Variants in SNX4 observed in about 807,000 individuals in gnomAD.
SNX4 encodes sorting nexin 4.
A neutral mutation model predicts 70.8 loss-of-function variants in SNX4; 49 were observed. The observed-to-expected ratio is 0.69, with a 90% CI of 0.55 to 0.88. The LOEUF is 0.88. Ranked by LOEUF, SNX4 falls within the 40% of genes least tolerant of loss-of-function variation. SNX4 has a pLI of 0.00. For missense variants in SNX4, 528 were observed against 544.8 expected, an observed-to-expected ratio of 0.97 and a Z score of 0.31; for synonymous variants, 206 against 183.8, an observed-to-expected ratio of 1.12 and a Z score of -0.98.
chr3:125,471,468 T>C (rs542675946), intron 8 of SNX4, among the ~76,000 whole-genome samples: 1 of 150,870 alleles, frequency 6.6e-6, no homozygotes, highest in East Asian at 2.0e-4. Flanking sequence ...CTGAGGTACA[T>C]AACAAGTTGG....
chr3:125,449,490 G>C (rs1933521585), intron 13 of SNX4, among the ~76,000 whole-genome samples: 1 of 151,678 alleles, frequency 6.6e-6, no homozygotes, highest in African/African-American at 2.4e-5. Flanking sequence ...TGAACTCCTG[G>C]GATCAAGTGA....
intron 7 of SNX4, among the ~76,000 whole-genome samples, chr3:125,477,936 A>G (rs1934321855): frequency 2.0e-5 from 3 of 152,140 alleles, no homozygotes; most frequent in Admixed American, 6.6e-5. Context: ...TGGCCCCTAC[A>G]TTAGAACCAG....
intron 1 of SNX4, among the ~76,000 whole-genome samples, chr3:125,510,355 C>T (rs527385082): frequency 2.0e-5 from 3 of 151,902 alleles, no homozygotes; most frequent in East Asian, 3.9e-4. Flanking sequence ...CTCAGCCTCC[C>T]GAGAAGCTGG....
chr3:125,453,670 A>G, intron 12 of SNX4, 140 bp downstream of exon 12: 1 of 742,566 alleles, frequency 1.3e-6, no homozygotes. Context: ...ATTTCTTAGG[A>G]ATGCATTTTA....
In SNX4 at chr3:125,455,723, A is replaced by G. The variant is rs546208901; in HGVS notation, c.1044+1543T>C. Reference sequence around the variant, plus strand: ...CTCTGTGAAAAGCACTTTTAAAACTATAGTGCTTGGCCAGGCGCGCTGGCT... The same window carrying G: ...CTCTGTGAAAAGCACTTTTAAAACTGTAGTGCTTGGCCAGGCGCGCTGGCT... On this transcript the variant is annotated intron_variant, in intron 11 of 13. Coordinates refer to ENST00000251775, the MANE Select transcript of SNX4 (RefSeq NM_003794.4). 2.6e-5 allele frequency among the ~76,000 whole-genome samples: 4 copies of G among 152,308 alleles called. No homozygotes were observed. In the South Asian group the frequency reaches 6.2e-4, roughly 24 times the overall value.
intron 1 of SNX4, among the ~76,000 whole-genome samples, chr3:125,509,428 T>G (rs1261305084): frequency 6.6e-6 from 1 of 151,260 alleles, no homozygotes; most frequent in Non-Finnish European, 1.5e-5. Context: ...CCAGACTATT[T>G]AGAGAACTCC....
intron 4 of SNX4, 21 bp downstream of exon 4, chr3:125,497,813 G>C: frequency 6.6e-7 from 1 of 1,522,366 alleles, no homozygotes; most frequent in Non-Finnish European, 8.9e-7. Flanking sequence ...ATTTTACTAA[G>C]ACTAAATAAA....
rs781760479 is a variant in SNX4, at chr3:125,520,132, G to T, written c.41C>A (p.Pro14Gln). 4 of 1,462,082 alleles carry T rather than the reference G, an allele frequency of 2.7e-6. No individual in the cohort carries two copies. In the Admixed American group the frequency reaches 1.2e-4, roughly 43 times the overall value. 90.6% of individuals were successfully genotyped at this position (1,462,082 alleles called of 1,614,324 possible). Residue 14 changes from proline to glutamine, a missense_variant, in exon 1 of 14, where the codon CCG (proline) becomes CAG (glutamine). Around this residue, in one of 3 missense-constraint regions of SNX4, gnomAD observed 341 missense variants for 312.2 expected, o/e 1.09. Coordinates refer to ENST00000251775, the MANE Select transcript of SNX4 (RefSeq NM_003794.4). ...APPDPERQLQ[P>Q]APLEPLGSPD... ...GGAGCCCAGCGGCTCCAAGGGCGCC[G>T]GCTGGAGCTGCCGCTCGGGGTCCGG... is the stretch of plus-strand genomic sequence containing the variant.
At chr3:125,475,990 C>G (rs1014185788) in intron 8 of SNX4, among the ~76,000 whole-genome samples, 1 of 150,942 alleles carries the variant, frequency 6.6e-6, no homozygotes, top group African/African-American at 2.4e-5. Context: ...AAAAAAAAAC[C>G]GGGTGCAGTG....
chr3:125,507,514 T>C (rs1026094515), intron 1 of SNX4, among the ~76,000 whole-genome samples: 31 of 152,236 alleles, frequency 2.0e-4, no homozygotes, highest in Admixed American at 1.5e-3. Context: ...TTCACAAATA[T>C]GATAGAAGAA....
rs1354125997 is a variant in SNX4 at position 125,451,634 on chromosome 3, C to CT, written c.1191-216dup. On this transcript the variant is annotated intron_variant, in intron 12 of 13. Transcript: ENST00000251775. ...TCTTGTACCTTTTAATCTACTTTTT[C>CT]TTTTTTTTTTGAGACAGAGTCTCAC... is the stretch of plus-strand genomic sequence containing the variant. Among the ~76,000 whole-genome samples the CT allele has an allele frequency of 5.2e-3, 777 of 148,610 alleles. 3 individuals are homozygous for CT. The highest frequency in any genetic ancestry group is 0.016 in the African/African-American group (655 of 40,620).
Position 125,494,553 on chromosome 3 carries a change from A to T in SNX4, c.597+2788T>A, listed in dbSNP as rs546281959. Among the ~76,000 whole-genome samples, 15 of 152,374 alleles carry T rather than the reference A, an allele frequency of 9.8e-5. 1 individual carries two copies. The highest frequency in any genetic ancestry group is 3.4e-4 in the African/African-American group (14 of 41,602). ...TAAGAAACTGTTTTAGATTCTAAAAAAAGTTTTCTTCTTTTTTACCGTTTT... is the reference window on the plus strand; with the variant it reads ...TAAGAAACTGTTTTAGATTCTAAAATAAGTTTTCTTCTTTTTTACCGTTTT... On this transcript the variant is annotated intron_variant, in intron 5 of 13. Coordinates refer to ENST00000251775, the MANE Select transcript of SNX4 (RefSeq NM_003794.4).
At chr3:125,452,975 G>A (rs1012296003) in intron 12 of SNX4, among the ~76,000 whole-genome samples, 2 of 152,112 alleles carry the variant, frequency 1.3e-5, no homozygotes, top group African/African-American at 2.4e-5. Flanking sequence ...TTCTAAAAAT[G>A]AACAAAACCA....
chr3:125,457,078 G>A (rs1933736062), intron 11 of SNX4, among the ~76,000 whole-genome samples, 188 bp downstream of exon 11: 2 of 151,680 alleles, frequency 1.3e-5, no homozygotes, highest in Non-Finnish European at 1.5e-5. Context: ...ACATCATTTT[G>A]TATCAAGATA....
chr3:125,480,240 C>T lies in SNX4; in HGVS notation c.726+7G>A. 5 of 1,520,430 alleles carry T rather than the reference C, an allele frequency of 3.3e-6. No individual in the cohort carries two copies. The highest frequency in any genetic ancestry group is 4.4e-6 in the Non-Finnish European group (5 of 1,127,908). The allele number at this position is 1,520,430 out of a possible 1,614,324, so 94.2% of individuals were successfully genotyped here. On this transcript the variant is annotated splice_region_variant and intron_variant, in intron 7 of 13. Transcript: ENST00000251775. ...TGTGCATCAAAAAGCTTTTGGGGAC[C>T]ACTTACAGCTCTGACTCGAAGAAGA...
intron 1 of SNX4, among the ~76,000 whole-genome samples, chr3:125,509,927 T>C (rs904241197): frequency 6.6e-6 from 1 of 152,092 alleles, no homozygotes; most frequent in African/African-American, 2.4e-5. Context: ...CCTATTAGAA[T>C]GGCTACTATG....
rs577623285 is a variant in SNX4, at chr3:125,491,932, C to A, written c.598-2469G>T. 2.6e-5 allele frequency among the ~76,000 whole-genome samples: 4 copies of A among 151,816 alleles called. No individual in the cohort carries two copies. The South Asian group carries it at 8.3e-4, about 32-fold the overall frequency. ...AACCAGCCTGGCCAATATGGCGAAACCCTGTCTCTACTAAAAATATAAAAA... is the reference window on the plus strand; with the variant it reads ...AACCAGCCTGGCCAATATGGCGAAAACCTGTCTCTACTAAAAATATAAAAA... On this transcript the variant is annotated intron_variant, in intron 5 of 13. Coordinates refer to ENST00000251775, the MANE Select transcript of SNX4 (RefSeq NM_003794.4).
chr3:125,510,520 C>T (rs566333509), intron 1 of SNX4, among the ~76,000 whole-genome samples: 64 of 152,180 alleles, frequency 4.2e-4, no homozygotes, highest in Non-Finnish European at 4.4e-5. Context: ...TGAGCCACCG[C>T]GCCCGGCTGA....
At chr3:125,489,749 A>G (rs1934609505) in intron 5 of SNX4, among the ~76,000 whole-genome samples, 2 of 152,226 alleles carry the variant, frequency 1.3e-5, no homozygotes, top group Non-Finnish European at 2.9e-5. Context: ...GCATTATTAG[A>G]ATTCGGAAGA....
Sources: gnomAD v4.1 joint callset for allele counts (sites outside exome capture counted in the v4.1 genomes callset) on GRCh38, gnomAD v4.1.1 for gene constraint, gnomAD v4.1.1 regional missense constraint, MANE v1.5 for transcripts, NCBI Gene and HGNC (gene_info 2026-07-23, HGNC 2026-07-21) for gene names.